MOB3A: variants seen among roughly 807,000 people sequenced by gnomAD.
The protein encoded by MOB3A is MOB LAK.
Under a neutral mutation model 17.8 loss-of-function variants are expected in MOB3A, and 17 were observed. That is an observed-to-expected ratio of 0.95 (90% confidence interval 0.65 to 1.43). The LOEUF (loss-of-function observed/expected upper bound fraction) is 1.43, where lower values mean the gene tolerates loss of function less well. Ranked by LOEUF, MOB3A falls within the 40% of genes most tolerant of loss-of-function variation. The pLI, the probability that MOB3A is intolerant of heterozygous loss-of-function variation, is 0.00. For synonymous variants in MOB3A, 124 were observed against 133.2 expected (o/e 0.93, Z 0.48); for missense variants, 333 against 310.8 (o/e 1.07, Z -0.54).
chr19:2,089,467 C>T (rs2017588855), intron 1 of MOB3A, among the ~76,000 whole-genome samples: 2 of 152,160 alleles, frequency 1.3e-5, no homozygotes. Context: ...TGGCCTCCAC[C>T]CACTCCATGC....
intron 2 of MOB3A, among the ~76,000 whole-genome samples, chr19:2,079,913 C>T (rs1042472118): frequency 1.1e-4 from 16 of 152,338 alleles, no homozygotes; most frequent in Admixed American, 5.2e-4. Flanking sequence ...GAGACACCCA[C>T]GGGTTGCTCT....
chr19:2,077,846 C>T lies in MOB3A; in HGVS notation c.421+294G>A, dbSNP rs1012048338. 4.3e-4 allele frequency among the ~76,000 whole-genome samples: 65 copies of T among 151,668 alleles called. No homozygotes were observed. The Middle Eastern group carries it at 0.01, about 24-fold the overall frequency. On this transcript the variant is annotated intron_variant, in intron 3 of 4. Coordinates refer to ENST00000357066, the MANE Select transcript of MOB3A (RefSeq NM_130807.3). ...TCACCCAGGCTGGAGTACAGTGGCA[C>T]GATCATAGTTTACTGCAGCCTCAAC...
Position 2,082,813 on chromosome 19 carries a change from C to T in MOB3A, c.-120+2362G>A, listed in dbSNP as rs1038105758. Reference sequence around the variant, plus strand: ...GTCACCACACAGGTCCCCCCGCTTGCTTCTCTTCCATTTTTAGAGACAGGT... The same window carrying T: ...GTCACCACACAGGTCCCCCCGCTTGTTTCTCTTCCATTTTTAGAGACAGGT... On this transcript the variant is annotated intron_variant, in intron 2 of 4. Coordinates refer to ENST00000357066, the MANE Select transcript of MOB3A (RefSeq NM_130807.3). This position sits in a 1 kb window ranked among gnomAD's most constrained non-coding sequence, Gnocchi z 4.1. 6.6e-6 allele frequency among the ~76,000 whole-genome samples: 1 copy of T among 152,062 alleles called. No individual in the cohort carries two copies. Among genetic ancestry groups the T allele is most frequent in the African/African-American group, 2.4e-5 (1 of 41,422 alleles).
intron 1 of MOB3A, among the ~76,000 whole-genome samples, chr19:2,092,838 C>A (rs1194405744): frequency 6.6e-6 from 1 of 151,110 alleles, no homozygotes; most frequent in Non-Finnish European, 1.5e-5. Flanking sequence ...TGAAAGAAAA[C>A]CCAAGTTCAG....
At chr19:2,076,220 A>G (rs2017404828) in intron 4 of MOB3A, among the ~76,000 whole-genome samples, 1 of 150,812 alleles carries the variant, frequency 6.6e-6, no homozygotes, top group Admixed American at 6.6e-5. Flanking sequence ...CATGGTCAGG[A>G]GATCCATCGA....
chr19:2,094,251 G>A (rs1312466069), intron 1 of MOB3A, among the ~76,000 whole-genome samples: 1 of 151,966 alleles, frequency 6.6e-6, no homozygotes, highest in African/African-American at 2.4e-5. Context: ...GTTTCACTGT[G>A]TTAGCCAGTA....
chr19:2,084,090 T>A (rs759407233), intron 2 of MOB3A: 1 of 476,554 alleles, frequency 2.1e-6, no homozygotes. Context: ...TCTTTGTCTA[T>A]ATCCTTTTAA....
Position 2,076,351 on chromosome 19 carries a change from G to A in MOB3A, c.624+460C>T, listed in dbSNP as rs564915670. Among the ~76,000 whole-genome samples, 40 of 152,130 alleles carry A rather than the reference G, an allele frequency of 2.6e-4. 1 individual carries two copies. The South Asian group carries it at 7.3e-3, about 28-fold the overall frequency. On this transcript the variant is annotated intron_variant, in intron 4 of 4. Transcript: ENST00000357066. ...GGAGGCTGAGGCAGGAGAATCACTT[G>A]AACTCGGGAGGCGGAGGTTGCAGTG...
chr19:2,090,572 G>T (rs1197388525), intron 1 of MOB3A, among the ~76,000 whole-genome samples: 3 of 152,238 alleles, frequency 2.0e-5, no homozygotes, highest in East Asian at 3.9e-4. Context: ...GGAGACCCTG[G>T]CCCCAGCCCC....
At chr19:2,089,581 T>G (rs1354745063) in intron 1 of MOB3A, among the ~76,000 whole-genome samples, 3 of 150,572 alleles carry the variant, frequency 2.0e-5, no homozygotes, top group African/African-American at 7.3e-5. Flanking sequence ...GGTTAGGGGA[T>G]TCCACGGACC....
chr19:2,080,479 G>A (rs976447778), intron 2 of MOB3A, among the ~76,000 whole-genome samples: 5 of 151,858 alleles, frequency 3.3e-5, no homozygotes, highest in Admixed American at 6.6e-5. Context: ...CCGGGTTCAC[G>A]CGATTCTCCT....
At chr19:2,083,297 G>A (rs1245862657) in intron 2 of MOB3A, among the ~76,000 whole-genome samples, 1 of 152,230 alleles carries the variant, frequency 6.6e-6, no homozygotes, top group Non-Finnish European at 1.5e-5. Flanking sequence ...GGCTGAGCAG[G>A]TGGGAGCTGT....
chr19:2,073,257 C>G lies in MOB3A; in HGVS notation c.*138G>C. On this transcript the variant is annotated 3_prime_UTR_variant, in exon 5 of 5. Coordinates refer to ENST00000357066, the MANE Select transcript of MOB3A (RefSeq NM_130807.3). Reference sequence around the variant, plus strand: ...CGGGGTTGGAGCTCCTGAGGACCAACACCTGCTCAGCGGCTCGGCCCCTGG... The same window carrying G: ...CGGGGTTGGAGCTCCTGAGGACCAAGACCTGCTCAGCGGCTCGGCCCCTGG... 2 of 1,091,914 alleles carry G rather than the reference C, an allele frequency of 1.8e-6. No individual in the cohort carries two copies. Among genetic ancestry groups the G allele is most frequent in the Non-Finnish European group, 2.7e-6 (2 of 734,210 alleles). The allele number at this position is 1,091,914 out of a possible 1,614,324, so 67.6% of individuals were successfully genotyped here. A position where few individuals can be genotyped will look rare whatever the true frequency, so the allele number is the denominator to read the frequency against.
At chr19:2,092,753 C>CAAAA (rs745800527) in intron 1 of MOB3A, among the ~76,000 whole-genome samples, 2 of 48,218 alleles carry the variant, frequency 4.1e-5, no homozygotes, top group Middle Eastern at 9.4e-3. Flanking sequence ...AACTCCATCT[C>CAAAA]AAAAAAAAAA....
chr19:2,090,372 G>T (rs2017599931), intron 1 of MOB3A, among the ~76,000 whole-genome samples: 3 of 152,150 alleles, frequency 2.0e-5, no homozygotes, highest in Admixed American at 2.0e-4. Context: ...AGACCACCCT[G>T]CCCCCTGCCC....
chr19:2,084,110 C>T (rs1211567906), intron 2 of MOB3A: 1 of 495,786 alleles, frequency 2.0e-6, no homozygotes. Context: ...AGCTTGTCTA[C>T]CAGACTCACA....
In MOB3A at chr19:2,081,877, C is replaced by G. The variant is rs941783609; in HGVS notation, c.-119-3198G>C. On this transcript the variant is annotated intron_variant, in intron 2 of 4. Transcript: ENST00000357066. ...CCAGCCTGGGTGAGAGAGCAAGACT[C>G]TGTCTCAAAAACACAACACAACACA... Among the ~76,000 whole-genome samples, 5 of 152,170 alleles carry G rather than the reference C, an allele frequency of 3.3e-5. 1 individual carries two copies. The East Asian group carries it at 9.6e-4, about 29-fold the overall frequency.
At chr19:2,086,328 T>C (rs897252481) in intron 1 of MOB3A, among the ~76,000 whole-genome samples, 19 of 135,034 alleles carry the variant, frequency 1.4e-4, no homozygotes, top group African/African-American at 5.0e-4. Flanking sequence ...GCGTGAACCA[T>C]AACGCCCAGC....
chr19:2,092,181 G>C (rs2017622251), intron 1 of MOB3A, among the ~76,000 whole-genome samples: 1 of 147,000 alleles, frequency 6.8e-6, no homozygotes. Context: ...GCTCACTGCA[G>C]CCTCAACCTC....
Sources: allele counts gnomAD v4.1 joint callset (sites outside exome capture counted in the v4.1 genomes callset), GRCh38; gene constraint gnomAD v4.1.1; non-coding constraint Gnocchi (gnomAD v3.1); transcripts MANE v1.5; gene names NCBI Gene and HGNC (gene_info 2026-07-23, HGNC 2026-07-21).